The following MMP26 variants were observed in gnomAD, a reference collection of about 807,000 sequenced individuals.
MMP26 encodes the protein matrix metalloproteinase-26.
MMP26 carries 33 observed loss-of-function variants against 31.0 expected under a neutral mutation model. The observed-to-expected ratio is 1.06, with a 90% confidence interval of 0.81 to 1.42. MMP26 has a LOEUF of 1.42. MMP26 is among the 40% of genes most tolerant of loss of function. The pLI is 0.00. For missense variants in MMP26, 347 were observed against 316.1 expected, an observed-to-expected ratio of 1.10 and a Z score of -0.74; for synonymous variants, 122 against 114.9, an observed-to-expected ratio of 1.06 and a Z score of -0.40.
chr11:4,773,898 T>G (rs1459385737), intron 2 of MMP26, among the ~76,000 whole-genome samples: 1 of 152,214 alleles, frequency 6.6e-6, no homozygotes, highest in Non-Finnish European at 1.5e-5. Flanking sequence ...TGTTTGGTTT[T>G]CTGTTCCTGC....
At chr11:4,746,734 A>G (rs1175920277) in intron 1 of MMP26, among the ~76,000 whole-genome samples, 5 of 151,856 alleles carry the variant, frequency 3.3e-5, no homozygotes, top group Non-Finnish European at 7.4e-5. Context: ...CTCGGGAGGC[A>G]GAGGCAGGAG....
chr11:4,959,264 A>G (rs1051096879), intron 2 of MMP26, among the ~76,000 whole-genome samples: 61 of 129,348 alleles, frequency 4.7e-4, no homozygotes, highest in African/African-American at 1.7e-3. Context: ...AAAAAAAAAA[A>G]TCTTACAAGA....
chr11:4,979,652 A>G (rs1846786283), intron 2 of MMP26, among the ~76,000 whole-genome samples: 1 of 152,132 alleles, frequency 6.6e-6, no homozygotes, highest in Admixed American at 6.5e-5. Flanking sequence ...GAAACTTAGC[A>G]TCACAGTCCC....
chr11:4,893,952 A>C (rs1359943863), intron 2 of MMP26, among the ~76,000 whole-genome samples: 2 of 151,962 alleles, frequency 1.3e-5, no homozygotes, highest in Non-Finnish European at 2.9e-5. Flanking sequence ...TAAAAAAAAA[A>C]ACAAAGTAAT....
intron 2 of MMP26, among the ~76,000 whole-genome samples, chr11:4,800,363 G>A (rs1384962741): frequency 6.6e-6 from 1 of 152,198 alleles, no homozygotes; most frequent in Non-Finnish European, 1.5e-5. Context: ...TAGAGTGGCA[G>A]CCCAAGCTGC....
Position 4,848,151 on chromosome 11 carries a change from G to T in MMP26, c.-145+80810G>T, listed in dbSNP as rs1014033187. 1.4e-5 allele frequency: 20 copies of T among 1,391,942 alleles called. No homozygotes were observed. The African/African-American group carries it at 2.7e-4, about 19-fold the overall frequency. The allele number at this position is 1,391,942 out of a possible 1,614,324, so 86.2% of individuals were successfully genotyped here. A position where few individuals can be genotyped will look rare whatever the true frequency, so the allele number is the denominator to read the frequency against. Reference sequence around the variant, plus strand: ...TATATGCACTTATGTGTACGTGAATGATCATTTCATGCTTGGTGAGCTGAG... The same window carrying T: ...TATATGCACTTATGTGTACGTGAATTATCATTTCATGCTTGGTGAGCTGAG... On this transcript the variant is annotated intron_variant, in intron 2 of 7. Transcript: ENST00000380390.
chr11:4,990,815 A>T, intron 5 of MMP26, 69 bp downstream of exon 5: 1 of 1,466,982 alleles, frequency 6.8e-7, no homozygotes, highest in Non-Finnish European at 9.1e-7. Context: ...TTCCATCCTT[A>T]AACAAAAACC....
intron 2 of MMP26, chr11:4,803,786 G>A (rs200914402): frequency 5.6e-6 from 9 of 1,612,868 alleles, no homozygotes; most frequent in Admixed American, 5.0e-5. Flanking sequence ...CCATTCCCAC[G>A]ACTTATGCTT....
chr11:4,728,112 GA>G (rs1207034614), intron 1 of MMP26, among the ~76,000 whole-genome samples: 1 of 152,036 alleles, frequency 6.6e-6, no homozygotes, highest in Non-Finnish European at 1.5e-5. Context: ...TATATTCAAG[GA>G]AAAATAAGAT....
intron 2 of MMP26, among the ~76,000 whole-genome samples, chr11:4,927,499 G>C (rs2133587489): frequency 6.6e-6 from 1 of 152,220 alleles, no homozygotes; most frequent in African/African-American, 2.4e-5. Flanking sequence ...CCTCAAAACT[G>C]CCTTGACTGA....
At chr11:4,931,635 TAAG>T (rs542640728) in intron 2 of MMP26, among the ~76,000 whole-genome samples, 68 of 152,070 alleles carry the variant, frequency 4.5e-4, no homozygotes, top group African/African-American at 1.6e-3. Context: ...TCTTTTAAAA[TAAG>T]AATATAGGTT....
intron 2 of MMP26, among the ~76,000 whole-genome samples, chr11:4,878,702 A>G (rs367575979): frequency 5.9e-5 from 9 of 152,266 alleles, no homozygotes; most frequent in African/African-American, 2.2e-4. Flanking sequence ...AGATTGATTT[A>G]ATACTTCCTA....
intron 2 of MMP26, among the ~76,000 whole-genome samples, chr11:4,809,149 T>C (rs1285149390): frequency 1.3e-5 from 2 of 152,102 alleles, no homozygotes; most frequent in African/African-American, 4.8e-5. Flanking sequence ...CCCTAGTACT[T>C]CTTTCTCCCC....
rs975374340 is a variant in MMP26, at chr11:4,934,894, G to A, written c.-144-53174G>A. On this transcript the variant is annotated intron_variant, in intron 2 of 7. Transcript: ENST00000380390. Reference sequence around the variant, plus strand: ...AAAGATCAGATAGTTGTAGGTATGCGGCGTTATTTCTGAGGGCTCCGTTCT... The same window carrying A: ...AAAGATCAGATAGTTGTAGGTATGCAGCGTTATTTCTGAGGGCTCCGTTCT... 2.4e-4 allele frequency among the ~76,000 whole-genome samples: 36 copies of A among 151,244 alleles called. 1 individual carries two copies. The highest frequency in any genetic ancestry group is 1.5e-3 in the South Asian group (7 of 4,778).
intron 2 of MMP26, among the ~76,000 whole-genome samples, chr11:4,772,782 C>G (rs951037851): frequency 2.0e-5 from 3 of 152,130 alleles, no homozygotes; most frequent in Non-Finnish European, 4.4e-5. Flanking sequence ...TTTTGTTTCT[C>G]CTTTATAGAG....
At chr11:4,970,879 G>C (rs1589821609) in intron 2 of MMP26, among the ~76,000 whole-genome samples, 1 of 152,158 alleles carries the variant, frequency 6.6e-6, no homozygotes, top group Admixed American at 6.5e-5. Context: ...GGCTTATGGT[G>C]CTGGTGCCAC....
At chr11:4,882,329 C>T (rs759149757) in intron 2 of MMP26, 2 of 1,613,888 alleles carry the variant, frequency 1.2e-6, no homozygotes, top group Non-Finnish European at 1.7e-6. Context: ...CAGGATGGTC[C>T]TGGTGATAGG....
At chr11:4,986,956 T>TCTCC (rs1846908370) in intron 2 of MMP26, among the ~76,000 whole-genome samples, 2 of 140,364 alleles carry the variant, frequency 1.4e-5, no homozygotes, top group African/African-American at 5.6e-5. Context: ...TCTCTCTCTC[T>TCTCC]CTCCCTCTCT....
At chr11:4,923,246 T>C in intron 2 of MMP26, 2 of 810,490 alleles carry the variant, frequency 2.5e-6, no homozygotes, top group Non-Finnish European at 3.7e-6. Context: ...CTGGTCACAC[T>C]GCCTTATGTT....
Sources: gnomAD v4.1 joint callset for allele counts (sites outside exome capture counted in the v4.1 genomes callset) on GRCh38, gnomAD v4.1.1 for gene constraint, MANE v1.5 for transcripts, NCBI Gene and HGNC (gene_info 2026-07-23, HGNC 2026-07-21) for gene names.